The following KLF8 variants were observed in gnomAD, a reference collection of about 807,000 sequenced individuals.
KLF8 encodes KLF transcription factor 8.
In KLF8, 10 loss-of-function variants were observed where a neutral mutation model predicts 18.2. That is an observed-to-expected ratio of 0.55 (90% CI 0.34 to 0.93). The LOEUF is 0.93. Ranked by LOEUF, KLF8 falls within the 40% of genes least tolerant of loss-of-function variation. The pLI, the probability that KLF8 is intolerant of heterozygous loss-of-function variation, is 0.02. For synonymous variants in KLF8, 109 were observed against 97.3 expected (o/e 1.12, Z -0.71); for missense variants, 264 against 277.9 (o/e 0.95, Z 0.36).
chrX:56,064,438 A>G, the KLF8 span, among the ~76,000 whole-genome samples: 4 of 109,998 alleles, frequency 3.6e-5, no homozygotes, highest in African/African-American at 9.9e-5. Flanking sequence ...TGTGAGCAGC[A>G]TATAATTGGG....
chrX:56,188,305 A>T, the KLF8 span, among the ~76,000 whole-genome samples: 2 of 111,499 alleles, frequency 1.8e-5, no homozygotes, highest in Non-Finnish European at 3.8e-5. Context: ...TAGGAATCCA[A>T]CTTACAAGGG....
At chrX:56,268,863 C>T in intron 3 of KLF8, 1 of 889,273 alleles carries the variant, frequency 1.1e-6, no homozygotes, top group Non-Finnish European at 1.4e-6. Context: ...TATCAAGCAC[C>T]TACTAGGTGG....
intron 5 of KLF8, among the ~76,000 whole-genome samples, chrX:56,278,666 T>TGGA (rs2067155949): frequency 9.0e-6 from 1 of 111,501 alleles, no homozygotes; most frequent in African/African-American, 3.3e-5. Flanking sequence ...AGCTGATATC[T>TGGA]TAATATATCA....
chrX:55,945,042 G>A, the KLF8 span, among the ~76,000 whole-genome samples: 16 of 111,260 alleles, frequency 1.4e-4, no homozygotes, highest in Admixed American at 5.8e-4. Flanking sequence ...CTTTGTTCTC[G>A]TTGGTTTCAA....
At chrX:56,167,174 A>G in the KLF8 span, among the ~76,000 whole-genome samples, 1 of 111,175 alleles carries the variant, frequency 9.0e-6, no homozygotes, top group Admixed American at 9.6e-5. Flanking sequence ...TCTGTCGTCT[A>G]GGCTGAAGTG....
the KLF8 span, among the ~76,000 whole-genome samples, chrX:56,050,361 G>A: frequency 8.9e-6 from 1 of 111,827 alleles, no homozygotes; most frequent in Non-Finnish European, 1.9e-5. Flanking sequence ...TGTGATGTTA[G>A]TGTGTCAATT....
At chrX:55,917,267 CAT>C in the KLF8 span, among the ~76,000 whole-genome samples, 1 of 111,976 alleles carries the variant, frequency 8.9e-6, no homozygotes, top group Non-Finnish European at 1.9e-5. Context: ...TCACTTGGAG[CAT>C]TTGGAATCTA....
chrX:55,972,720 C>T, the KLF8 span, among the ~76,000 whole-genome samples: 7 of 111,251 alleles, frequency 6.3e-5, no homozygotes, highest in Admixed American at 4.8e-4. Flanking sequence ...TCAGAGACAA[C>T]ACAATGAAAT....
At chrX:56,244,006 A>C (rs1391815385) in intron 1 of KLF8, among the ~76,000 whole-genome samples, 1 of 111,370 alleles carries the variant, frequency 9.0e-6, no homozygotes, top group African/African-American at 3.3e-5. Context: ...GCAACCATTT[A>C]TTCTCTGCTA....
chrX:56,125,985 AT>A, the KLF8 span, among the ~76,000 whole-genome samples: 1 of 112,417 alleles, frequency 8.9e-6, no homozygotes, highest in African/African-American at 3.2e-5. Context: ...TATAATAGTC[AT>A]TGATTTTGTT....
At chrX:56,137,565 G>T in the KLF8 span, among the ~76,000 whole-genome samples, 87 of 94,846 alleles carry the variant, frequency 9.2e-4, no homozygotes, top group East Asian at 1.4e-3. Flanking sequence ...TGAGAACACA[G>T]GGACACAGGA....
chrX:56,269,357 G>A lies in KLF8; in HGVS notation c.647-21G>A, dbSNP rs776555390. The A allele has an allele frequency of 8.4e-6, 10 of 1,193,260 alleles. No individual in the cohort carries two copies. The South Asian group carries it at 1.9e-4, about 23-fold the overall frequency. The stretch of plus-strand genomic sequence containing the variant: ...GGCACATACATCTTCAGCTCACACT[G>A]CTCCCTTTCTTTGCTTTTAGTGAAA... On this transcript the variant is annotated intron_variant, in intron 3 of 5. Coordinates refer to ENST00000468660, the MANE Select transcript of KLF8 (RefSeq NM_007250.5).
the KLF8 span, among the ~76,000 whole-genome samples, chrX:56,149,119 C>T: frequency 9.0e-6 from 1 of 111,714 alleles, no homozygotes; most frequent in African/African-American, 3.3e-5. Context: ...GTTCCAACAA[C>T]AGATGTTGAG....
At chrX:56,152,492 C>A in the KLF8 span, among the ~76,000 whole-genome samples, 90 of 111,259 alleles carry the variant, frequency 8.1e-4, 1 homozygote, top group Non-Finnish European at 1.4e-3. Context: ...TCCCAGAGTT[C>A]TTTACTGCGC....
At chrX:56,172,417 C>A in the KLF8 span, among the ~76,000 whole-genome samples, 1 of 111,344 alleles carries the variant, frequency 9.0e-6, no homozygotes, top group Non-Finnish European at 1.9e-5. Flanking sequence ...TCATCCATGT[C>A]CCTACAAAGG....
chrX:56,216,513 GATTT>G, the KLF8 span, among the ~76,000 whole-genome samples: 743 of 91,086 alleles, frequency 8.2e-3, 4 homozygotes, highest in African/African-American at 0.018. Flanking sequence ...TCTGGCTGCT[GATTT>G]ATTTATTTAT....
chrX:56,145,000 C>T, the KLF8 span, among the ~76,000 whole-genome samples: 1 of 109,046 alleles, frequency 9.2e-6, no homozygotes. Context: ...ACCATGTTGG[C>T]CAGGCTGGTC....
chrX:56,183,126 A>G, the KLF8 span, among the ~76,000 whole-genome samples: 1 of 111,544 alleles, frequency 9.0e-6, no homozygotes, highest in Non-Finnish European at 1.9e-5. Flanking sequence ...ACCCTTTTTG[A>G]GCTTCTGTGC....
chrX:56,019,645 G>C, the KLF8 span, among the ~76,000 whole-genome samples: 1 of 111,987 alleles, frequency 8.9e-6, no homozygotes, highest in African/African-American at 3.2e-5. Context: ...TGAGGGTTAT[G>C]TGGTAAGATA....
Sources: allele counts gnomAD v4.1 joint callset (sites outside exome capture counted in the v4.1 genomes callset), GRCh38; gene constraint gnomAD v4.1.1; transcripts MANE v1.5; gene names NCBI Gene and HGNC (gene_info 2026-07-23, HGNC 2026-07-21).